Variants in FNIP1 observed in about 807,000 individuals in gnomAD.
FNIP1 encodes the protein folliculin-interacting protein 1.
FNIP1 carries 40 observed loss-of-function variants against 124.5 expected under a neutral mutation model. The ratio of observed to expected loss-of-function variants is 0.32; its 90% CI spans 0.25 to 0.42. FNIP1 has a LOEUF of 0.42. Ranked by LOEUF, FNIP1 falls within the 10% of genes least tolerant of loss-of-function variation. The pLI is 1.00. For synonymous variants in FNIP1, 472 were observed against 470.6 expected (o/e 1.00, Z -0.04); for missense variants, 1,176 against 1,403.7 (o/e 0.84, Z 2.59).
chr5:131,699,058 G>GA (rs1336687134), intron 10 of FNIP1, 56 bp from the exon 11 acceptor site: 2 of 1,438,970 alleles, frequency 1.4e-6, no homozygotes, highest in Non-Finnish European at 1.9e-6. Flanking sequence ...GCAAAACATG[G>GA]AAAAAAGTCT....
intron 11 of FNIP1, among the ~76,000 whole-genome samples, chr5:131,683,424 G>A (rs573904041): frequency 6.6e-6 from 1 of 151,972 alleles, no homozygotes; most frequent in South Asian, 2.1e-4. Flanking sequence ...GTGGTGGTGG[G>A]CACCTGTAGT....
chr5:131,680,987 G>C (rs1768059274), intron 11 of FNIP1, among the ~76,000 whole-genome samples: 2 of 152,178 alleles, frequency 1.3e-5, no homozygotes, highest in Admixed American at 1.3e-4. Flanking sequence ...ACAAATTTTT[G>C]GGAAAGTCAT....
chr5:131,764,565 A>G (rs1310401551), intron 1 of FNIP1, among the ~76,000 whole-genome samples: 2 of 152,094 alleles, frequency 1.3e-5, no homozygotes, highest in Admixed American at 1.3e-4. Context: ...TCAGCCTCCC[A>G]AAGAGCTGGA....
chr5:131,675,358 C>G (rs538794098), intron 13 of FNIP1, among the ~76,000 whole-genome samples: 1 of 152,166 alleles, frequency 6.6e-6, no homozygotes, highest in African/African-American at 2.4e-5. Context: ...CTTAGACTGT[C>G]GACTTCTTGA....
At chr5:131,725,428 T>C (rs970305246) in intron 3 of FNIP1, among the ~76,000 whole-genome samples, 4 of 152,202 alleles carry the variant, frequency 2.6e-5, no homozygotes, top group Non-Finnish European at 5.9e-5. Flanking sequence ...ACCTTGTAAG[T>C]TGGATTCCTA....
At chr5:131,693,059 C>T (rs1027772363) in intron 11 of FNIP1, among the ~76,000 whole-genome samples, 6 of 149,786 alleles carry the variant, frequency 4.0e-5, no homozygotes, top group Non-Finnish European at 8.9e-5. Flanking sequence ...AGCTATTACA[C>T]ATCATGGCAA....
At chr5:131,761,252 C>G (rs938873878) in intron 1 of FNIP1, among the ~76,000 whole-genome samples, 1 of 152,104 alleles carries the variant, frequency 6.6e-6, no homozygotes, top group African/African-American at 2.4e-5. Context: ...GTAAAACATA[C>G]TGACCAGGAA....
chr5:131,677,895 C>T, intron 12 of FNIP1, 23 bp from the exon 13 acceptor site: 1 of 1,606,044 alleles, frequency 6.2e-7, no homozygotes. Flanking sequence ...TACATCTGAT[C>T]AGATTCCAAT....
At position 131,647,163 on chromosome 5, in the gene FNIP1, T is replaced by A; in HGVS notation, c.3349A>T (p.Lys1117Ter). ...AGGTATTCAGACAGCATTTTACTTT[T>A]GAAGTATAGCTCCTGCAACCGGTCT... ...LEDRLQELYF[K>*]SKMLSEYLRG... is the part of the protein sequence containing the mutation. Residue 1117 changes from lysine to a stop codon, truncating the protein, a stop_gained, in exon 17 of 18, where the codon AAA (lysine) becomes TAA (stop). Transcript: ENST00000510461. LOFTEE classifies it high-confidence loss of function. The A allele has an allele frequency of 6.2e-7, 1 of 1,614,152 alleles. No individual in the cohort carries two copies. The highest frequency in any genetic ancestry group is 8.5e-7 in the Non-Finnish European group (1 of 1,180,010).
At chr5:131,723,337 A>G (rs1413280731) in intron 3 of FNIP1, among the ~76,000 whole-genome samples, 1 of 152,222 alleles carries the variant, frequency 6.6e-6, no homozygotes, top group Non-Finnish European at 1.5e-5. Flanking sequence ...AAATTTAAAT[A>G]CCAAGGCATT....
chr5:131,656,800 G>A lies in FNIP1; in HGVS notation c.3109-4801C>T, dbSNP rs532475057. 9.2e-4 allele frequency among the ~76,000 whole-genome samples: 139 copies of A among 151,906 alleles called. 1 individual carries two copies. The highest frequency in any genetic ancestry group is 1.7e-3 in the Non-Finnish European group (113 of 67,976). ...AAGTACATTTATTAGTAAGGAACAG[G>A]AGCAAGCACCGAGATTTAAGGCAGG... On this transcript the variant is annotated intron_variant, in intron 15 of 17. Coordinates refer to ENST00000510461, the MANE Select transcript of FNIP1 (RefSeq NM_133372.3).
chr5:131,745,146 C>CA (rs1380335665), intron 1 of FNIP1, among the ~76,000 whole-genome samples: 1 of 144,980 alleles, frequency 6.9e-6, no homozygotes, highest in Non-Finnish European at 1.5e-5. Context: ...ACTTACAAGA[C>CA]AAAAAACAAG....
chr5:131,748,709 G>A (rs113027530), intron 1 of FNIP1, among the ~76,000 whole-genome samples: 7,409 of 95,790 alleles, frequency 0.077, 199 homozygotes, highest in African/African-American at 0.17. Flanking sequence ...AAAAAAAAAA[G>A]AAAAAAAAAA....
intron 11 of FNIP1, among the ~76,000 whole-genome samples, chr5:131,694,308 A>C (rs1431276822): frequency 6.6e-6 from 1 of 152,264 alleles, no homozygotes; most frequent in Middle Eastern, 3.2e-3. Context: ...ACCAAAAACT[A>C]CAAGCAAGAT....
chr5:131,710,299 T>C (rs538362254), intron 7 of FNIP1, among the ~76,000 whole-genome samples: 1 of 152,288 alleles, frequency 6.6e-6, no homozygotes, highest in South Asian at 2.1e-4. Context: ...TCATATTAAG[T>C]TTTGGTTTCA....
chr5:131,691,746 C>T (rs1382286212), intron 11 of FNIP1, among the ~76,000 whole-genome samples: 1 of 152,128 alleles, frequency 6.6e-6, no homozygotes, highest in African/African-American at 2.4e-5. Flanking sequence ...TTGAAAAACA[C>T]ACACTGCCAA....
intron 15 of FNIP1, among the ~76,000 whole-genome samples, chr5:131,659,860 C>T (rs1767364795): frequency 6.6e-6 from 1 of 152,182 alleles, no homozygotes; most frequent in South Asian, 2.1e-4. Flanking sequence ...GGTGTGGTGC[C>T]AGATCTTCTC....
intron 1 of FNIP1, among the ~76,000 whole-genome samples, chr5:131,779,769 A>C (rs943485899): frequency 2.0e-5 from 3 of 151,918 alleles, no homozygotes; most frequent in African/African-American, 7.2e-5. Flanking sequence ...CCAAAAAAAA[A>C]CAGTAATAGT....
At chr5:131,731,084 C>T (rs1203456096) in intron 2 of FNIP1, 46 bp from the exon 3 acceptor site, 10 of 1,544,612 alleles carry the variant, frequency 6.5e-6, no homozygotes, top group Non-Finnish European at 8.7e-6. Flanking sequence ...GATTTTTAAC[C>T]ATATACAAAT....
Sources: allele counts gnomAD v4.1 joint callset (sites outside exome capture counted in the v4.1 genomes callset), GRCh38; gene constraint gnomAD v4.1.1; transcripts MANE v1.5; gene names NCBI Gene and HGNC (gene_info 2026-07-23, HGNC 2026-07-21).